The following CFAP74 variants were observed in gnomAD, a reference collection of about 807,000 sequenced individuals.
CFAP74 encodes the protein cilia and flagella associated protein 74.
A neutral mutation model predicts 188.9 loss-of-function variants in CFAP74; 124 were observed. The observed-to-expected ratio is 0.66, with a 90% confidence interval of 0.57 to 0.76. CFAP74 has a LOEUF of 0.76. Ranked by LOEUF, CFAP74 falls within the 30% of genes least tolerant of loss-of-function variation. The probability of loss-of-function intolerance (pLI) is 0.00; values close to 1 mark genes in which losing one functional copy is unlikely to be tolerated. For synonymous variants in CFAP74, 956 were observed against 916.7 expected (o/e 1.04, Z -0.77); for missense variants, 2,198 against 2,165.2 (o/e 1.02, Z -0.30).
rs117921686 is a variant in CFAP74, at chr1:1,971,934, C to T, written c.888+46G>A. ...GGAGCAGGGGCCCAGGGACGGACCC[C>T]GGCAGGGCGCCAAGGGAGAGGCTGG... On this transcript the variant is annotated intron_variant, in intron 9 of 38. Coordinates refer to ENST00000682832, the MANE Select transcript of CFAP74 (RefSeq NM_001304360.2). The T allele has an allele frequency of 3.6e-3, 5,357 of 1,480,872 alleles. 175 individuals are homozygous for T. In the East Asian group the frequency reaches 0.081, roughly 22 times the overall value. 91.7% of individuals were successfully genotyped at this position (1,480,872 alleles called of 1,614,324 possible).
At chr1:1,991,290 A>T (rs1346182717) in intron 1 of CFAP74, among the ~76,000 whole-genome samples, 1 of 152,204 alleles carries the variant, frequency 6.6e-6, no homozygotes, top group African/African-American at 2.4e-5. Context: ...AGCCTGGCCA[A>T]CGTGGTGAGG....
At position 1,966,347 on chromosome 1, in the gene CFAP74, G is replaced by C; in HGVS notation, c.1401+24C>G. 2.7e-6 allele frequency: 4 copies of C among 1,484,272 alleles called. No individual in the cohort carries two copies. The South Asian group carries it at 4.0e-5, about 15-fold the overall frequency. The allele number at this position is 1,484,272 out of a possible 1,614,324, so 91.9% of individuals were successfully genotyped here. On this transcript the variant is annotated intron_variant, in intron 12 of 38. Transcript: ENST00000682832. The stretch of plus-strand genomic sequence containing the variant: ...AGAGGGCCGGGGTCCGTCTGCAAGC[G>C]TCTAAAGGAGCAGGAGCTGATACCT...
chr1:1,988,818 ACCCACCCCCCCACCCCCACCCCCACC>A (rs1230324611), intron 3 of CFAP74, 45 bp downstream of exon 3: 26 of 264,884 alleles, frequency 9.8e-5, no homozygotes, highest in Middle Eastern at 1.2e-3. Context: ...CGCTCCCTTC[ACCCACCCCCCCACCCCCACCCCCACC>A]CCCACCCCCC....
intron 8 of CFAP74, 45 bp downstream of exon 8, chr1:1,972,892 C>T (rs749833922): frequency 1.5e-5 from 18 of 1,195,562 alleles, no homozygotes; most frequent in East Asian, 2.3e-5. Flanking sequence ...GCAAGTGACC[C>T]GTATTCTTGG....
At chr1:1,988,428 G>A (rs1188469748) in intron 4 of CFAP74, 84 bp downstream of exon 4, 1 of 1,554,442 alleles carries the variant, frequency 6.4e-7, no homozygotes, top group Non-Finnish European at 8.7e-7. Context: ...GTGACGACAG[G>A]TACAGGACCA....
rs959129929 is a variant in CFAP74, at chr1:1,975,891, C to T, written c.501-1693G>A. ...AGGGTCTCTTAGTAAAGAGGCAAGACGCTGTCCCAGATGCTGTCGTCGCCC... is the reference window on the plus strand; with the variant it reads ...AGGGTCTCTTAGTAAAGAGGCAAGATGCTGTCCCAGATGCTGTCGTCGCCC... On this transcript the variant is annotated intron_variant, in intron 6 of 38. Coordinates refer to ENST00000682832, the MANE Select transcript of CFAP74 (RefSeq NM_001304360.2). The surrounding 1 kb of genome is among the most constrained non-coding windows in gnomAD (Gnocchi z 4.5). 2.0e-5 allele frequency among the ~76,000 whole-genome samples: 3 copies of T among 152,180 alleles called. No individual in the cohort carries two copies. Among genetic ancestry groups the T allele is most frequent in the Non-Finnish European group, 2.9e-5 (2 of 68,034 alleles).
intron 18 of CFAP74, chr1:1,953,567 G>T (rs1412386589): frequency 6.5e-6 from 1 of 153,612 alleles, no homozygotes; most frequent in South Asian, 2.1e-4. Context: ...AAAGTTCTGG[G>T]ATTACAGGCA....
Position 1,968,586 on chromosome 1 carries a change from G to A in CFAP74, c.1245+49C>T, listed in dbSNP as rs766269913. The A allele has an allele frequency of 1.1e-4, 99 of 871,490 alleles. No homozygotes were observed. The highest frequency in any genetic ancestry group is 1.5e-4 in the Non-Finnish European group (94 of 612,682). The allele number at this position is 871,490 out of a possible 1,614,324, so 54.0% of individuals were successfully genotyped here. A position where few individuals can be genotyped will look rare whatever the true frequency, so the allele number is the denominator to read the frequency against. On this transcript the variant is annotated intron_variant, in intron 11 of 38. Coordinates refer to ENST00000682832, the MANE Select transcript of CFAP74 (RefSeq NM_001304360.2). This position sits in a 1 kb window ranked among gnomAD's most constrained non-coding sequence, Gnocchi z 4.3. The stretch of plus-strand genomic sequence containing the variant: ...ACACCTGAGCCCTGAGGCCCCACCT[G>A]CCCTCCACAGGTGTGCGGCTTCTGT...
Position 1,964,974 on chromosome 1 carries a change from T to G in CFAP74, c.1489A>C (p.Ser497Arg), listed in dbSNP as rs1432143970. Residue 497 changes from serine to arginine, a missense_variant, in exon 13 of 39, where the codon AGC becomes CGC. Physicochemically the swap from Ser to Arg is moderately radical, Grantham distance 110. Coordinates refer to ENST00000682832, the MANE Select transcript of CFAP74 (RefSeq NM_001304360.2). ...ACCACCTGCTTGTGGACCACCCTGC[T>G]CCGCAGCCGCTCCACCGTGCGCTCC... ...ILERTVERLR[S>R]RVVHKQVVWG... The G allele has an allele frequency of 6.2e-7, 1 of 1,613,938 alleles. No homozygotes were observed. Among genetic ancestry groups the G allele is most frequent in the Non-Finnish European group, 8.5e-7 (1 of 1,179,938 alleles).
intron 6 of CFAP74, among the ~76,000 whole-genome samples, chr1:1,977,765 A>G (rs35953639): frequency 0.3 from 46,187 of 152,142 alleles, 7,280 homozygotes; most frequent in Non-Finnish European, 0.34. Flanking sequence ...AGAGAGACCT[A>G]CACTGCAGAA....
intron 22 of CFAP74, among the ~76,000 whole-genome samples, chr1:1,940,634 G>A (rs1244511601): frequency 2.6e-5 from 4 of 152,172 alleles, no homozygotes; most frequent in Non-Finnish European, 5.9e-5. Context: ...GTCACTCCCG[G>A]GAGCAACACA....
chr1:1,999,887 C>T (rs1017942418), intron 1 of CFAP74, among the ~76,000 whole-genome samples: 5 of 151,758 alleles, frequency 3.3e-5, no homozygotes, highest in East Asian at 1.9e-4. Flanking sequence ...ACCTACAGGC[C>T]GGGCGCGGTG....
intron 2 of CFAP74, among the ~76,000 whole-genome samples, chr1:1,989,404 A>G (rs898037983): frequency 6.6e-6 from 1 of 152,188 alleles, no homozygotes; most frequent in African/African-American, 2.4e-5. Flanking sequence ...TCACCTGCCT[A>G]CGGCCCCCGA....
rs1469138830 is a variant in CFAP74 at position 1,973,786 on chromosome 1, TGGTGGCTGCGGCATCTTGGGAG to T, written c.674+217_674+238del. On this transcript the variant is annotated intron_variant, in intron 7 of 38. Coordinates refer to ENST00000682832, the MANE Select transcript of CFAP74 (RefSeq NM_001304360.2). This position sits in a 1 kb window ranked among gnomAD's most constrained non-coding sequence, Gnocchi z 6.2. ...TTAGTAGCCAGCTTTAGCGGCTGTA[TGGTGGCTGCGGCATCTTGGGAG>T]GGCTGGGGCTCTGGGCAGGTGCAGG... 1.3e-5 allele frequency among the ~76,000 whole-genome samples: 2 copies of T among 151,760 alleles called. No homozygotes were observed. The highest frequency in any genetic ancestry group is 4.8e-5 in the African/African-American group (2 of 41,274).
Position 1,968,486 on chromosome 1 carries a change from G to T in CFAP74, c.1245+149C>A. 1 of 679,904 alleles carries T rather than the reference G, an allele frequency of 1.5e-6. No individual in the cohort carries two copies. The highest frequency in any genetic ancestry group is 2.6e-6 in the Non-Finnish European group (1 of 382,262). 42.1% of individuals were successfully genotyped at this position (679,904 alleles called of 1,614,324 possible). The stretch of plus-strand genomic sequence containing the variant: ...TCTTGTCCCCTTGTCCTTGAGCTGA[G>T]TGGCGGCCACTCAGCGGGCTCAGCA... On this transcript the variant is annotated intron_variant, in intron 11 of 38. Coordinates refer to ENST00000682832, the MANE Select transcript of CFAP74 (RefSeq NM_001304360.2). The surrounding 1 kb of genome is among the most constrained non-coding windows in gnomAD (Gnocchi z 4.3).
intron 6 of CFAP74, among the ~76,000 whole-genome samples, chr1:1,979,523 G>A (rs1182863280): frequency 0.055 from 4,175 of 75,762 alleles, 635 homozygotes; most frequent in East Asian, 0.081. Flanking sequence ...ACGAAGCTGC[G>A]CAGAACACGC....
intron 18 of CFAP74, chr1:1,954,964 G>A (rs1002838487): frequency 5.9e-6 from 7 of 1,189,748 alleles, no homozygotes; most frequent in Non-Finnish European, 6.3e-6. Context: ...CAGAAGGACG[G>A]ATCTAGAACC....
At chr1:2,002,669 C>CAA (rs1295846134) in intron 1 of CFAP74, among the ~76,000 whole-genome samples, 6 of 137,136 alleles carry the variant, frequency 4.4e-5, no homozygotes, top group African/African-American at 1.4e-4. Flanking sequence ...GACTCTGTCT[C>CAA]AAAAAAACAA....
At chr1:1,943,862 C>T (rs1026005116) in intron 21 of CFAP74, among the ~76,000 whole-genome samples, 1 of 152,222 alleles carries the variant, frequency 6.6e-6, no homozygotes, top group South Asian at 2.1e-4. Context: ...TGTGGCTCTA[C>T]GGGACAGGTT....
Sources: gnomAD v4.1 joint callset for allele counts (sites outside exome capture counted in the v4.1 genomes callset) on GRCh38, gnomAD v4.1.1 for gene constraint, Gnocchi (gnomAD v3.1) non-coding constraint, MANE v1.5 for transcripts, NCBI Gene and HGNC (gene_info 2026-07-23, HGNC 2026-07-21) for gene names.